SP4: variants seen among roughly 807,000 people sequenced by gnomAD.
The protein encoded by SP4 is Sp4 transcription factor.
Under a neutral mutation model 72.8 loss-of-function variants are expected in SP4, and 19 were observed. That is an observed-to-expected ratio of 0.26 (90% CI 0.18 to 0.38). The LOEUF (loss-of-function observed/expected upper bound fraction) is 0.38. Among genes scored for constraint, SP4 ranks in the 10% least tolerant of loss-of-function variants. SP4 has a pLI of 1.00. For missense variants in SP4, 1,008 were observed against 926.3 expected (o/e 1.09, Z -1.14); for synonymous variants, 395 against 333.1 (o/e 1.19, Z -2.02).
At chr7:21,476,011 C>T (rs1311926718) in intron 3 of SP4, among the ~76,000 whole-genome samples, 1 of 152,040 alleles carries the variant, frequency 6.6e-6, no homozygotes, top group Non-Finnish European at 1.5e-5. Flanking sequence ...TGGCTCACAC[C>T]TGTAATTCCA....
At chr7:21,476,411 C>G (rs1234784245) in intron 3 of SP4, among the ~76,000 whole-genome samples, 1 of 150,876 alleles carries the variant, frequency 6.6e-6, no homozygotes, top group Non-Finnish European at 1.5e-5. Context: ...GGTATATATA[C>G]TAATCTGAGT....
intron 3 of SP4, among the ~76,000 whole-genome samples, chr7:21,455,681 T>G (rs1783741659): frequency 6.6e-6 from 1 of 152,172 alleles, no homozygotes; most frequent in Admixed American, 6.5e-5. Context: ...CCTGTCTTAC[T>G]GTGTACCTAT....
intron 5 of SP4, among the ~76,000 whole-genome samples, chr7:21,501,350 T>A (rs1781857859): frequency 6.6e-6 from 1 of 152,196 alleles, no homozygotes; most frequent in Non-Finnish European, 1.5e-5. Context: ...AAGTCCCTCC[T>A]CTTTTCTGTT....
intron 5 of SP4, among the ~76,000 whole-genome samples, chr7:21,503,201 T>C (rs1478191036): frequency 1.3e-5 from 2 of 152,200 alleles, no homozygotes; most frequent in Non-Finnish European, 2.9e-5. Context: ...GAAGTCGTTT[T>C]AACCTAAGGG....
At chr7:21,490,340 T>G (rs896127847) in intron 5 of SP4, among the ~76,000 whole-genome samples, 7 of 152,214 alleles carry the variant, frequency 4.6e-5, no homozygotes, top group Non-Finnish European at 1.0e-4. Flanking sequence ...AGGGGCCTTT[T>G]GCTCCAAAAC....
intron 3 of SP4, chr7:21,470,972 G>C: frequency 2.1e-6 from 1 of 484,408 alleles, no homozygotes; most frequent in Non-Finnish European, 4.2e-6. Flanking sequence ...AAGGATTAAA[G>C]ACTAAAATCT....
chr7:21,428,364 T>G, intron 1 of SP4, 106 bp downstream of exon 1: 4 of 719,304 alleles, frequency 5.6e-6, no homozygotes, highest in Non-Finnish European at 2.6e-6. Context: ...CTGAGATGCT[T>G]TAAGGGGAGG....
At chr7:21,477,547 A>AC (rs1784539454) in intron 4 of SP4, among the ~76,000 whole-genome samples, 1 of 90,862 alleles carries the variant, frequency 1.1e-5, no homozygotes, top group Admixed American at 1.3e-4. Flanking sequence ...CCCCTCCCCC[A>AC]CCCCAACAAG....
chr7:21,452,971 G>A (rs6954854), intron 3 of SP4, among the ~76,000 whole-genome samples: 77,980 of 151,576 alleles, frequency 0.51, 20,458 homozygotes, highest in Middle Eastern at 0.67. Flanking sequence ...TAGTAGAGAC[G>A]GTTTCACCAC....
intron 3 of SP4, among the ~76,000 whole-genome samples, chr7:21,453,563 C>A (rs1034656416): frequency 1.3e-5 from 2 of 152,190 alleles, no homozygotes; most frequent in African/African-American, 2.4e-5. Flanking sequence ...AACACACTTA[C>A]ACAAATACAG....
At chr7:21,496,297 A>G (rs1781705030) in intron 5 of SP4, among the ~76,000 whole-genome samples, 1 of 152,258 alleles carries the variant, frequency 6.6e-6, no homozygotes, top group South Asian at 2.1e-4. Flanking sequence ...ACTCATTTTG[A>G]GAGACTACAG....
rs1412560495 is a variant in SP4 at position 21,514,195 on chromosome 7, A to T, written c.*2926A>T. 6.6e-6 allele frequency: 1 copy of T among 152,636 alleles called. No individual in the cohort carries two copies. Among genetic ancestry groups the T allele is most frequent in the African/African-American group, 2.4e-5 (1 of 41,458 alleles). 9.5% of individuals were successfully genotyped at this position (152,636 alleles called of 1,614,324 possible). ...ATTAGAACTTGATGTTAAGTCATTT[A>T]TCACACTCTCATGAGAGCAGTAATA... On this transcript the variant is annotated 3_prime_UTR_variant, in exon 6 of 6. Coordinates refer to ENST00000222584, the MANE Select transcript of SP4 (RefSeq NM_003112.5).
chr7:21,505,018 C>T (rs1583450498), intron 5 of SP4, among the ~76,000 whole-genome samples: 1 of 152,234 alleles, frequency 6.6e-6, no homozygotes. Flanking sequence ...AGGACCGGGG[C>T]TGTAATGAGG....
intron 3 of SP4, among the ~76,000 whole-genome samples, chr7:21,469,111 A>G (rs1018563868): frequency 5.9e-5 from 9 of 152,236 alleles, no homozygotes; most frequent in Admixed American, 4.6e-4. Context: ...GTATTTGGAA[A>G]TAAATATCTA....
At chr7:21,498,450 T>C (rs1012923306) in intron 5 of SP4, among the ~76,000 whole-genome samples, 2 of 152,138 alleles carry the variant, frequency 1.3e-5, no homozygotes, top group African/African-American at 2.4e-5. Context: ...AGGGTACTCA[T>C]GAAAAGACTT....
At chr7:21,436,405 A>C (rs1157017280) in intron 3 of SP4, among the ~76,000 whole-genome samples, 1 of 152,218 alleles carries the variant, frequency 6.6e-6, no homozygotes, top group Non-Finnish European at 1.5e-5. Flanking sequence ...CAGACTTACA[A>C]AATGATAGAA....
chr7:21,477,058 C>A (rs752621436), intron 3 of SP4, 21 bp from the exon 4 acceptor site: 3 of 1,570,586 alleles, frequency 1.9e-6, no homozygotes, highest in South Asian at 2.2e-5. Context: ...TACAATACTT[C>A]TTTTTTTTCT....
At position 21,513,934 on chromosome 7, in the gene SP4, C is replaced by T. The variant is rs2128418632; in HGVS notation, c.*2665C>T. The stretch of plus-strand genomic sequence containing the variant: ...TTAGAAGAATCGTAAATTTCAGTGT[C>T]CTTTATTTGACTCAGTGGGATATAG... On this transcript the variant is annotated 3_prime_UTR_variant, in exon 6 of 6. Transcript: ENST00000222584. 1 of 152,588 alleles carries T rather than the reference C, an allele frequency of 6.6e-6. No homozygotes were observed. The highest frequency in any genetic ancestry group is 2.1e-4 in the South Asian group (1 of 4,822). 9.5% of individuals were successfully genotyped at this position (152,588 alleles called of 1,614,324 possible). A position where few individuals can be genotyped will look rare whatever the true frequency, so the allele number is the denominator to read the frequency against.
intron 3 of SP4, among the ~76,000 whole-genome samples, chr7:21,470,389 A>G (rs947811252): frequency 6.6e-6 from 1 of 152,228 alleles, no homozygotes; most frequent in Non-Finnish European, 1.5e-5. Context: ...AAATACTTAA[A>G]TTCTAATTCA....
Sources: allele counts gnomAD v4.1 joint callset (sites outside exome capture counted in the v4.1 genomes callset), GRCh38; gene constraint gnomAD v4.1.1; transcripts MANE v1.5; gene names NCBI Gene and HGNC (gene_info 2026-07-23, HGNC 2026-07-21).